CKAP5: variants seen among roughly 807,000 people sequenced by gnomAD.
CKAP5 encodes the protein cytoskeleton-associated protein 5.
A neutral mutation model predicts 232.8 loss-of-function variants in CKAP5; 27 were observed. The observed-to-expected ratio is 0.12, with a 90% CI of 0.09 to 0.16. The LOEUF (loss-of-function observed/expected upper bound fraction) is 0.16, where lower values mean the gene tolerates loss of function less well. CKAP5 is among the 10% of genes least tolerant of loss of function. CKAP5 has a pLI of 1.00. For synonymous variants in CKAP5, 785 were observed against 841.1 expected, an observed-to-expected ratio of 0.93 and a Z score of 1.16; for missense variants, 1,838 against 2,424.7, an observed-to-expected ratio of 0.76 and a Z score of 5.08.
rs190136903 is a variant in CKAP5 at position 46,773,392 on chromosome 11, G to A, written c.2992-2410C>T. Among the ~76,000 whole-genome samples, 7 of 152,086 alleles carry A rather than the reference G, an allele frequency of 4.6e-5. No homozygotes were observed. In the East Asian group the frequency reaches 1.2e-3, roughly 25 times the overall value. ...GCCTCCTGAGTAGCTGGGATTAGAG[G>A]TGCCCACCACCATGCCCAGCTAATT... is the stretch of plus-strand genomic sequence containing the variant. On this transcript the variant is annotated intron_variant, in intron 24 of 43. Transcript: ENST00000529230.
intron 1 of CKAP5, among the ~76,000 whole-genome samples, chr11:46,839,033 A>C (rs184176047): frequency 1.3e-5 from 2 of 152,220 alleles, no homozygotes; most frequent in Non-Finnish European, 2.9e-5. Context: ...AGGTAACCTC[A>C]AAGGAAAAAA....
chr11:46,783,564 T>TA (rs1446558467), intron 17 of CKAP5, among the ~76,000 whole-genome samples, 196 bp from the exon 18 acceptor site: 1 of 151,560 alleles, frequency 6.6e-6, no homozygotes, highest in African/African-American at 2.4e-5. Flanking sequence ...CTGGACTATT[T>TA]ATAGCTTTGC....
intron 13 of CKAP5, among the ~76,000 whole-genome samples, chr11:46,791,253 T>TG (rs1027649708): frequency 8.7e-4 from 131 of 150,206 alleles, no homozygotes; most frequent in South Asian, 3.8e-3. Context: ...GGGTTTTTTT[T>TG]TTTTTTTGTT....
chr11:46,826,056 G>A (rs1376223005), intron 1 of CKAP5, among the ~76,000 whole-genome samples: 1 of 151,992 alleles, frequency 6.6e-6, no homozygotes, highest in Non-Finnish European at 1.5e-5. Flanking sequence ...ATTACCAGGC[G>A]GCCAGAAATC....
Position 46,790,539 on chromosome 11 carries a change from G to T in CKAP5, c.1695C>A (p.Gly565=), listed in dbSNP as rs756495835. ...PKKGKPAAPG[G]AGNTGTKNKK... The stretch of plus-strand genomic sequence containing the variant: ...TGTTCTTGGTTCCAGTATTCCCTGC[G>T]CCTCCTGGTGCAGCTGGTTTCCCCT... The change falls in exon 14 of 44, where the codon GGC becomes GGA. Residue 565 remains glycine, a synonymous_variant. Transcript: ENST00000529230. 6.2e-7 allele frequency: 1 copy of T among 1,613,786 alleles called. No homozygotes were observed. The highest frequency in any genetic ancestry group is 8.5e-7 in the Non-Finnish European group (1 of 1,179,810).
At chr11:46,783,468 G>T in intron 17 of CKAP5, 100 bp from the exon 18 acceptor site, 1 of 683,222 alleles carries the variant, frequency 1.5e-6, no homozygotes, top group Non-Finnish European at 2.5e-6. Flanking sequence ...GTTTTCTGAC[G>T]CTAAAACAAC....
At position 46,778,234 on chromosome 11, in the gene CKAP5, C is replaced by A; in HGVS notation, c.2653G>T (p.Ala885Ser). ...AATTTTGCGTCATTAATAATACCTGCCACTTCATCTAGGCCTTCTTTCCTA... is the reference window on the plus strand; with the variant it reads ...AATTTTGCGTCATTAATAATACCTGACACTTCATCTAGGCCTTCTTTCCTA... The part of the protein sequence containing the change: ...KIRKEGLDEV[A>S]GIINDAKFIQ... The change falls in exon 22 of 44, where the codon GCA (alanine) becomes TCA (serine). Residue 885 changes from alanine (A) to serine (S), a missense_variant. By Grantham distance (99) the Ala-to-Ser change is moderately conservative (BLOSUM62 1). Transcript: ENST00000529230. The A allele has an allele frequency of 6.2e-7, 1 of 1,613,740 alleles. No homozygotes were observed. Among genetic ancestry groups the A allele is most frequent in the Non-Finnish European group, 8.5e-7 (1 of 1,179,684 alleles).
chr11:46,826,257 AAAAGGGGT>A (rs1939649494), intron 1 of CKAP5, among the ~76,000 whole-genome samples: 1 of 152,180 alleles, frequency 6.6e-6, no homozygotes, highest in Admixed American at 6.5e-5. Context: ...CAACATATCC[AAAAGGGGT>A]ACGGGATACC....
chr11:46,828,674 A>G (rs1046159220), intron 1 of CKAP5, among the ~76,000 whole-genome samples: 8 of 152,264 alleles, frequency 5.3e-5, no homozygotes, highest in Non-Finnish European at 1.0e-4. Context: ...ATGCACACAC[A>G]AATGGATAAT....
In CKAP5 at chr11:46,777,392, G is replaced by A. The variant is rs756852629; in HGVS notation, c.2862+47C>T. 2.6e-6 allele frequency: 3 copies of A among 1,168,352 alleles called. No individual in the cohort carries two copies. In the South Asian group the frequency reaches 3.7e-5, roughly 15 times the overall value. 72.4% of individuals were successfully genotyped at this position (1,168,352 alleles called of 1,614,324 possible). On this transcript the variant is annotated intron_variant, in intron 23 of 43. Transcript: ENST00000529230. ...GAATTATCTTTAACCCAAAAATATG[G>A]CTGGCCTATTCCAGAATGGAGGCAT... is the stretch of plus-strand genomic sequence containing the variant.
At chr11:46,846,153 C>T (rs1416197265) in intron 1 of CKAP5, 67 bp downstream of exon 1, 1 of 152,206 alleles carries the variant, frequency 6.6e-6, no homozygotes, top group Non-Finnish European at 1.5e-5. Context: ...GATTCAGGGG[C>T]TCCTCTGCGC....
intron 13 of CKAP5, among the ~76,000 whole-genome samples, chr11:46,794,084 G>A (rs935724154): frequency 2.6e-5 from 4 of 152,134 alleles, no homozygotes; most frequent in Admixed American, 2.0e-4. Context: ...GTTGGACACC[G>A]TATATAAAAA....
intron 1 of CKAP5, among the ~76,000 whole-genome samples, chr11:46,829,847 TG>T (rs1392227119): frequency 2.5e-3 from 58 of 23,032 alleles, no homozygotes; most frequent in African/African-American, 4.2e-3. Flanking sequence ...TATGTGTGTG[TG>T]TGTGTGTGTG....
At chr11:46,805,657 TG>T (rs1939136742) in intron 8 of CKAP5, among the ~76,000 whole-genome samples, 1 of 152,166 alleles carries the variant, frequency 6.6e-6, no homozygotes, top group African/African-American at 2.4e-5. Flanking sequence ...AAATGTCAGC[TG>T]GGCACCGTGG....
At chr11:46,763,351 A>G in intron 29 of CKAP5, 130 bp downstream of exon 29, 1 of 1,001,002 alleles carries the variant, frequency 1.0e-6, no homozygotes. Flanking sequence ...CTACCAAATA[A>G]CAAGACAGCT....
intron 13 of CKAP5, among the ~76,000 whole-genome samples, chr11:46,791,169 C>T (rs936587606): frequency 6.6e-6 from 1 of 151,866 alleles, no homozygotes; most frequent in African/African-American, 2.4e-5. Context: ...GAAGTGATGG[C>T]CTGAAATTAT....
intron 11 of CKAP5, 61 bp downstream of exon 11, chr11:46,797,744 T>C (rs1309961495): frequency 2.0e-6 from 3 of 1,491,384 alleles, no homozygotes; most frequent in African/African-American, 2.8e-5. Context: ...GTACATAATT[T>C]GCAGGAAAAG....
chr11:46,776,205 A>G, intron 24 of CKAP5, 50 bp downstream of exon 24: 3 of 1,560,030 alleles, frequency 1.9e-6, no homozygotes, highest in East Asian at 2.2e-5. Context: ...CCAAGCCCCT[A>G]TGGAAGTAAA....
chr11:46,796,761 CAA>C lies in CKAP5; in HGVS notation c.1467+49_1467+50del, dbSNP rs756495782. 1.9e-6 allele frequency: 3 copies of C among 1,601,396 alleles called. No homozygotes were observed. In the Admixed American group the frequency reaches 5.0e-5, roughly 27 times the overall value. On this transcript the variant is annotated intron_variant, in intron 12 of 43. Coordinates refer to ENST00000529230, the MANE Select transcript of CKAP5 (RefSeq NM_001008938.4). ...ACTGTCAAGAGACAAAGCCATGATG[CAA>C]AGAGACAGGAATGTTGTCCAATTTC...
Sources: allele counts gnomAD v4.1 joint callset (sites outside exome capture counted in the v4.1 genomes callset), GRCh38; gene constraint gnomAD v4.1.1; transcripts MANE v1.5; gene names NCBI Gene and HGNC (gene_info 2026-07-23, HGNC 2026-07-21).